The following PRKG1 variants were observed in gnomAD, a reference collection of about 807,000 sequenced individuals.
PRKG1 encodes the protein protein kinase cGMP-dependent 1.
In PRKG1, 35 loss-of-function variants were observed where a neutral mutation model predicts 88.1. The observed-to-expected ratio is 0.40, with a 90% CI of 0.30 to 0.53. The LOEUF (loss-of-function observed/expected upper bound fraction) is 0.53. Among genes scored for constraint, PRKG1 ranks in the 20% least tolerant of loss-of-function variants. PRKG1 has a pLI of 0.59. For synonymous variants in PRKG1, 303 were observed against 292.5 expected (o/e 1.04, Z -0.37); for missense variants, 540 against 839.8 (o/e 0.64, Z 4.41).
At chr10:51,241,302 C>T (rs1839146409) in intron 2 of PRKG1, among the ~76,000 whole-genome samples, 1 of 146,942 alleles carries the variant, frequency 6.8e-6, no homozygotes, top group Non-Finnish European at 1.5e-5. Flanking sequence ...TCATTTGCTC[C>T]AATCCAAAAA....
At chr10:51,299,204 T>C (rs950026819) in intron 2 of PRKG1, among the ~76,000 whole-genome samples, 9 of 152,084 alleles carry the variant, frequency 5.9e-5, no homozygotes, top group African/African-American at 2.2e-4. Context: ...TTTATCTGTA[T>C]TTATTTTTAT....
intron 7 of PRKG1, among the ~76,000 whole-genome samples, chr10:52,091,588 G>C (rs972552220): frequency 6.6e-6 from 1 of 152,182 alleles, no homozygotes; most frequent in African/African-American, 2.4e-5. Context: ...GGAGATAAAA[G>C]TGTCCCCTTT....
chr10:51,900,125 G>A (rs141247525), intron 4 of PRKG1, among the ~76,000 whole-genome samples: 114 of 152,144 alleles, frequency 7.5e-4, no homozygotes, highest in Middle Eastern at 6.8e-3. Context: ...CCAGCCTTAG[G>A]TATTCTATTA....
chr10:51,400,091 T>C (rs551779692), intron 2 of PRKG1, among the ~76,000 whole-genome samples: 93 of 152,356 alleles, frequency 6.1e-4, no homozygotes, highest in African/African-American at 2.2e-3. Flanking sequence ...GAACCAGGTC[T>C]GATTCATTTA....
chr10:51,336,203 A>C (rs2132538980), intron 2 of PRKG1, among the ~76,000 whole-genome samples: 1 of 151,952 alleles, frequency 6.6e-6, no homozygotes, highest in Middle Eastern at 3.4e-3. Flanking sequence ...AAGTATAAAA[A>C]CTAGCCAGGC....
intron 2 of PRKG1, among the ~76,000 whole-genome samples, chr10:51,295,074 C>A (rs1004030645): frequency 6.6e-6 from 1 of 151,772 alleles, no homozygotes; most frequent in Non-Finnish European, 1.5e-5. Context: ...CAGTGCAAGA[C>A]CCTGTCTCTA....
At chr10:52,165,359 G>T (rs1589664523) in intron 9 of PRKG1, among the ~76,000 whole-genome samples, 1 of 152,232 alleles carries the variant, frequency 6.6e-6, no homozygotes, top group East Asian at 1.9e-4. Flanking sequence ...AATTAGCATT[G>T]TTGTTTCTCC....
Position 51,504,909 on chromosome 10 carries a change from A to G in PRKG1, c.592+37073A>G, listed in dbSNP as rs918906988. On this transcript the variant is annotated intron_variant, in intron 3 of 17. Transcript: ENST00000373980. Reference sequence around the variant, plus strand: ...GGTTTTCTAGATATACAATCATGTCATCTGCAAACAGGGACAATTTGACTT... The same window carrying G: ...GGTTTTCTAGATATACAATCATGTCGTCTGCAAACAGGGACAATTTGACTT... 1.9e-3 allele frequency among the ~76,000 whole-genome samples: 296 copies of G among 152,272 alleles called. 3 individuals carry two copies. The highest frequency in any genetic ancestry group is 3.4e-3 in the Middle Eastern group (1 of 294).
intron 2 of PRKG1, among the ~76,000 whole-genome samples, chr10:51,436,751 G>A (rs781302191): frequency 7.2e-5 from 11 of 152,012 alleles, no homozygotes; most frequent in Non-Finnish European, 1.6e-4. Context: ...ACTTAGATGA[G>A]ATTAAGCAAT....
chr10:51,717,442 A>G (rs1841912897), intron 3 of PRKG1, among the ~76,000 whole-genome samples: 1 of 152,212 alleles, frequency 6.6e-6, no homozygotes, highest in Non-Finnish European at 1.5e-5. Context: ...TGCTGATTTA[A>G]TGTAAAGGTG....
chr10:52,283,986 T>A (rs1004953534), intron 14 of PRKG1, among the ~76,000 whole-genome samples: 26 of 152,090 alleles, frequency 1.7e-4, no homozygotes, highest in African/African-American at 6.3e-4. Flanking sequence ...TTCTCTACAA[T>A]CATTGTTTAT....
chr10:52,096,824 C>T (rs1847184208), intron 7 of PRKG1, among the ~76,000 whole-genome samples: 1 of 151,784 alleles, frequency 6.6e-6, no homozygotes, highest in Non-Finnish European at 1.5e-5. Context: ...TATTTAATAC[C>T]TAGGAAGGCA....
At chr10:52,226,842 C>G (rs1840401180) in intron 9 of PRKG1, among the ~76,000 whole-genome samples, 1 of 152,114 alleles carries the variant, frequency 6.6e-6, no homozygotes, top group Admixed American at 6.6e-5. Flanking sequence ...ACATGTCAGT[C>G]ATAATCACCA....
At chr10:51,346,417 T>A (rs1239784030) in intron 2 of PRKG1, among the ~76,000 whole-genome samples, 1 of 152,200 alleles carries the variant, frequency 6.6e-6, no homozygotes, top group Non-Finnish European at 1.5e-5. Context: ...CTAGTGAGAG[T>A]TATAAAATAC....
Position 52,280,745 on chromosome 10 carries a change from A to G in PRKG1, c.1404-44A>G. ...AAAAAAAAATAAAGCCATATTACAG[A>G]AATTAATTTTTTATACAATTTTCAT... is the stretch of plus-strand genomic sequence containing the variant. On this transcript the variant is annotated intron_variant, in intron 12 of 17. Transcript: ENST00000373980. 3.8e-6 allele frequency: 6 copies of G among 1,583,214 alleles called. No homozygotes were observed. In the South Asian group the frequency reaches 4.6e-5, roughly 12 times the overall value.
chr10:51,178,937 T>G (rs890087613), intron 2 of PRKG1, among the ~76,000 whole-genome samples: 1 of 152,226 alleles, frequency 6.6e-6, no homozygotes, highest in Non-Finnish European at 1.5e-5. Context: ...TACACTAGAC[T>G]GAATAAGAGA....
intron 3 of PRKG1, among the ~76,000 whole-genome samples, chr10:51,506,037 A>G (rs1841191372): frequency 1.3e-5 from 2 of 151,894 alleles, no homozygotes; most frequent in South Asian, 4.1e-4. Context: ...CAAACCTGAC[A>G]AAAACAAGAA....
chr10:52,290,522 A>T (rs1197862112), intron 17 of PRKG1, among the ~76,000 whole-genome samples: 5 of 152,154 alleles, frequency 3.3e-5, no homozygotes, highest in Admixed American at 3.3e-4. Context: ...TATTCATTTG[A>T]TTCAAGTTTC....
At chr10:51,531,637 CTTTTTTT>C (rs34091409) in intron 3 of PRKG1, among the ~76,000 whole-genome samples, 3 of 67,850 alleles carry the variant, frequency 4.4e-5, no homozygotes, top group South Asian at 7.5e-4. Context: ...AAAAAGAATT[CTTTTTTT>C]TTTTTTTTTT....
Sources: gnomAD v4.1 joint callset for allele counts (sites outside exome capture counted in the v4.1 genomes callset) on GRCh38, gnomAD v4.1.1 for gene constraint, MANE v1.5 for transcripts, NCBI Gene and HGNC (gene_info 2026-07-23, HGNC 2026-07-21) for gene names.